The following TACR3 variants were observed in gnomAD, a reference collection of about 807,000 sequenced individuals.
TACR3 encodes neuromedin-K receptor.
Under a neutral mutation model 35.0 loss-of-function variants are expected in TACR3, and 34 were observed. The ratio of observed to expected loss-of-function variants is 0.97; its 90% CI spans 0.74 to 1.30. The LOEUF is 1.30. TACR3 is among the 50% of genes most tolerant of loss of function. TACR3 has a pLI of 0.00. For synonymous variants in TACR3, 233 were observed against 221.1 expected (o/e 1.05, Z -0.48); for missense variants, 558 against 591.7 (o/e 0.94, Z 0.59).
At chr4:103,649,609 T>A (rs1053433826) in intron 3 of TACR3, among the ~76,000 whole-genome samples, 4 of 152,124 alleles carry the variant, frequency 2.6e-5, no homozygotes, top group Non-Finnish European at 5.9e-5. Context: ...TTCTGTTTGA[T>A]CAATTCTGCT....
intron 3 of TACR3, among the ~76,000 whole-genome samples, chr4:103,627,393 G>C (rs1004958928): frequency 2.0e-5 from 3 of 146,344 alleles, no homozygotes; most frequent in African/African-American, 7.6e-5. Flanking sequence ...GCATGGTGGT[G>C]TGCACCTATA....
At chr4:103,676,666 T>C (rs74629730) in intron 1 of TACR3, among the ~76,000 whole-genome samples, 2 of 152,094 alleles carry the variant, frequency 1.3e-5, no homozygotes, top group African/African-American at 4.8e-5. Context: ...GTTAGCCATA[T>C]GCAGAAAATT....
At chr4:103,618,960 T>C (rs1395141922) in intron 3 of TACR3, among the ~76,000 whole-genome samples, 1 of 152,188 alleles carries the variant, frequency 6.6e-6, no homozygotes, top group Non-Finnish European at 1.5e-5. Context: ...GAAATTTTAC[T>C]AAAGTTGTTT....
intron 3 of TACR3, among the ~76,000 whole-genome samples, chr4:103,615,394 TGTGTGAGAGAGA>T (rs1454997473): frequency 4.0e-5 from 4 of 98,906 alleles, no homozygotes; most frequent in African/African-American, 1.6e-4. Context: ...TGTGTGTGTG[TGTGTGAGAGAGA>T]GAGAGAGAGA....
chr4:103,706,554 G>C (rs996742167), intron 1 of TACR3, among the ~76,000 whole-genome samples: 1 of 151,804 alleles, frequency 6.6e-6, no homozygotes, highest in Non-Finnish European at 1.5e-5. Context: ...GATATATATA[G>C]ATATGTATGT....
intron 3 of TACR3, among the ~76,000 whole-genome samples, chr4:103,614,828 A>G (rs1724597399): frequency 6.7e-6 from 1 of 149,950 alleles, no homozygotes; most frequent in African/African-American, 2.5e-5. Context: ...TGATCTTGCT[A>G]ATTTATAATC....
intron 1 of TACR3, among the ~76,000 whole-genome samples, chr4:103,694,939 C>G (rs957368374): frequency 6.6e-6 from 1 of 152,160 alleles, no homozygotes; most frequent in Middle Eastern, 3.4e-3. Flanking sequence ...ACTGCAGATT[C>G]TTGTTCATAT....
At chr4:103,667,811 T>C (rs894126056) in intron 1 of TACR3, among the ~76,000 whole-genome samples, 5 of 152,160 alleles carry the variant, frequency 3.3e-5, no homozygotes, top group Non-Finnish European at 5.9e-5. Flanking sequence ...GAAAACACTT[T>C]TGAACTCTTA....
At chr4:103,705,442 A>C (rs1415045713) in intron 1 of TACR3, among the ~76,000 whole-genome samples, 12 of 152,168 alleles carry the variant, frequency 7.9e-5, no homozygotes, top group Non-Finnish European at 7.4e-5. Context: ...CCAGTATGAC[A>C]GGCATGAGAA....
chr4:103,626,415 T>C (rs886839615), intron 3 of TACR3, among the ~76,000 whole-genome samples: 1 of 148,412 alleles, frequency 6.7e-6, no homozygotes, highest in Admixed American at 6.8e-5. Flanking sequence ...TTTATTATTA[T>C]TGTTATTTTT....
At chr4:103,705,685 TC>T (rs1177110945) in intron 1 of TACR3, among the ~76,000 whole-genome samples, 1 of 152,192 alleles carries the variant, frequency 6.6e-6, no homozygotes, top group Non-Finnish European at 1.5e-5. Flanking sequence ...TGAACTGTTA[TC>T]TAAAAGAGGA....
chr4:103,719,729 C>G lies in TACR3; in HGVS notation c.-54G>C. The G allele has an allele frequency of 1.3e-6, 2 of 1,596,152 alleles. No individual in the cohort carries two copies. The highest frequency in any genetic ancestry group is 1.7e-6 in the Non-Finnish European group (2 of 1,176,870). ...CCACTCACCCACGGGCAGCCCAAGA[C>G]GAGACTCCTCTGAAGTTCTTCTCTG... On this transcript the variant is annotated 5_prime_UTR_variant, in exon 1 of 5. Coordinates refer to ENST00000304883, the MANE Select transcript of TACR3 (RefSeq NM_001059.3).
intron 3 of TACR3, among the ~76,000 whole-genome samples, chr4:103,608,774 T>C (rs11940775): frequency 0.016 from 2,485 of 152,180 alleles, 56 homozygotes; most frequent in African/African-American, 0.057. Flanking sequence ...TGGACATTTC[T>C]TCATTGTAAT....
chr4:103,686,158 C>A (rs1722231595), intron 1 of TACR3, among the ~76,000 whole-genome samples: 1 of 152,138 alleles, frequency 6.6e-6, no homozygotes, highest in Non-Finnish European at 1.5e-5. Flanking sequence ...TGCTGATCTG[C>A]AAGGCTGATG....
rs930748618 is a variant in TACR3, at chr4:103,588,173, T to G, written c.*1509A>C. On this transcript the variant is annotated 3_prime_UTR_variant, in exon 5 of 5. Transcript: ENST00000304883. Reference sequence around the variant, plus strand: ...CCATTGAATATTTGCTTTTATTCTGTTCTTCAAAAATATTTTGTTTTAATA... The same window carrying G: ...CCATTGAATATTTGCTTTTATTCTGGTCTTCAAAAATATTTTGTTTTAATA... 6.6e-6 allele frequency: 1 copy of G among 152,132 alleles called. No individual in the cohort carries two copies. Among genetic ancestry groups the G allele is most frequent in the East Asian group, 1.9e-4 (1 of 5,200 alleles). 9.4% of individuals were successfully genotyped at this position (152,132 alleles called of 1,614,324 possible).
At chr4:103,708,964 T>C (rs568967083) in intron 1 of TACR3, among the ~76,000 whole-genome samples, 2 of 151,980 alleles carry the variant, frequency 1.3e-5, no homozygotes, top group Non-Finnish European at 2.9e-5. Flanking sequence ...GAAAAAAGAA[T>C]AAAAAGAAAT....
chr4:103,598,060 G>T (rs1399219249), intron 3 of TACR3, among the ~76,000 whole-genome samples: 1 of 152,148 alleles, frequency 6.6e-6, no homozygotes, highest in Non-Finnish European at 1.5e-5. Flanking sequence ...CTAGTTTACA[G>T]TCCCACCAAC....
chr4:103,600,491 C>A lies in TACR3; in HGVS notation c.889-8808G>T, dbSNP rs111473647. ...CTGCTCTGATCTTAGTTATTTCTTG[C>A]CTTCTGCTAGCTTTTGAATGTGTTT... On this transcript the variant is annotated intron_variant, in intron 3 of 4. Coordinates refer to ENST00000304883, the MANE Select transcript of TACR3 (RefSeq NM_001059.3). Among the ~76,000 whole-genome samples, 3 of 152,044 alleles carry A rather than the reference C, an allele frequency of 2.0e-5. No homozygotes were observed. The East Asian group carries it at 5.8e-4, about 29-fold the overall frequency.
At chr4:103,629,865 A>AAAC (rs1725012430) in intron 3 of TACR3, among the ~76,000 whole-genome samples, 8 of 130,506 alleles carry the variant, frequency 6.1e-5, no homozygotes, top group Non-Finnish European at 1.1e-4. Context: ...AAAAAACAAA[A>AAAC]AAAAAACAAA....
Sources: gnomAD v4.1 joint callset for allele counts (sites outside exome capture counted in the v4.1 genomes callset) on GRCh38, gnomAD v4.1.1 for gene constraint, MANE v1.5 for transcripts, NCBI Gene and HGNC (gene_info 2026-07-23, HGNC 2026-07-21) for gene names.